SYCP2: variants seen among roughly 807,000 people sequenced by gnomAD.
SYCP2 encodes the protein synaptonemal complex protein 2, also known as synaptonemal complex lateral element protein.
In SYCP2, 55 loss-of-function variants were observed where a neutral mutation model predicts 211.3. The ratio of observed to expected loss-of-function variants is 0.26; its 90% CI spans 0.21 to 0.33. SYCP2 has a LOEUF of 0.33. Among genes scored for constraint, SYCP2 ranks in the 10% least tolerant of loss-of-function variants. The pLI is 1.00. For missense variants in SYCP2, 1,731 were observed against 1,752.0 expected (o/e 0.99, Z 0.21); for synonymous variants, 570 against 555.2 (o/e 1.03, Z -0.37).
rs530987252 is a variant in SYCP2, at chr20:59,893,517, T to C, written c.1735+7A>G. 1.9e-6 allele frequency: 3 copies of C among 1,585,948 alleles called. No individual in the cohort carries two copies. Among genetic ancestry groups the C allele is most frequent in the East Asian group, 4.5e-5 (2 of 44,474 alleles). On this transcript the variant is annotated splice_region_variant and intron_variant, in intron 21 of 44. Transcript: ENST00000357552. ...AAAATGACTAAATTAAACCACAAGG[T>C]ACTTACTAAAATTTTGGTTTGGGAA... is the stretch of plus-strand genomic sequence containing the variant.
At position 59,867,343 on chromosome 20, in the gene SYCP2, T is replaced by C. The variant is rs554103849; in HGVS notation, c.4125+368A>G. ...AAACTAGTAAAACAAAATGAAATGG[T>C]ATTGCTCTGACTGCAGCTGCTCATT... is the stretch of plus-strand genomic sequence containing the variant. On this transcript the variant is annotated intron_variant, in intron 39 of 44. Coordinates refer to ENST00000357552, the MANE Select transcript of SYCP2 (RefSeq NM_014258.4). 5.9e-5 allele frequency among the ~76,000 whole-genome samples: 9 copies of C among 151,388 alleles called. No homozygotes were observed. In the South Asian group the frequency reaches 1.5e-3, roughly 24 times the overall value.
At chr20:59,883,906 G>A (rs938757662) in intron 26 of SYCP2, among the ~76,000 whole-genome samples, 12 of 151,752 alleles carry the variant, frequency 7.9e-5, no homozygotes, top group Admixed American at 3.9e-4. Flanking sequence ...GATTTTATGC[G>A]TTCTTGCCAC....
In SYCP2 at chr20:59,919,599, T is replaced by A; in HGVS notation, c.298-2A>T. The A allele has an allele frequency of 1.3e-6, 2 of 1,578,978 alleles. No individual in the cohort carries two copies. Among genetic ancestry groups the A allele is most frequent in the Admixed American group, 1.7e-5 (1 of 57,482 alleles). On this transcript the variant is annotated splice_acceptor_variant, in intron 5 of 44. Coordinates refer to ENST00000357552, the MANE Select transcript of SYCP2 (RefSeq NM_014258.4). LOFTEE classifies it high-confidence loss of function. ...GGATTTTTCAAACCAGGCAACCATG[T>A]AAAAAAAGGAATGAACTTATTAGAG...
chr20:59,924,588 C>T (rs567334352), intron 2 of SYCP2, among the ~76,000 whole-genome samples: 17 of 151,846 alleles, frequency 1.1e-4, no homozygotes, highest in Admixed American at 4.6e-4. Context: ...CCATTGACAC[C>T]TACTATGTAC....
rs148499040 is a variant in SYCP2, at chr20:59,908,525, T to G, written c.973-1101A>C. Among the ~76,000 whole-genome samples, 13 of 152,276 alleles carry G rather than the reference T, an allele frequency of 8.5e-5. No homozygotes were observed. In the East Asian group the frequency reaches 2.5e-3, roughly 29 times the overall value. On this transcript the variant is annotated intron_variant, in intron 14 of 44. Transcript: ENST00000357552. ...TTTCTGTGTGTAAAAAACTTGCTCC[T>G]TTGAGGAATATCTCAGTTGGCATAC... is the stretch of plus-strand genomic sequence containing the variant.
rs759373209 is a variant in SYCP2, at chr20:59,873,950, C to G, written c.3461G>C (p.Gly1154Ala). ...GGGTGACTTTATTGTACCTCCAACT[C>G]CACTGTTACTATTTAAGGATTCAAG... ...SSLESLNSNS[G>A]VGGTIKSPKN... The change falls in exon 35 of 45, where the codon GGA (glycine) becomes GCA (alanine). Residue 1154 changes from glycine to alanine, a missense_variant. Gly to Ala is a moderately conservative substitution (Grantham distance 60, BLOSUM62 0). Coordinates refer to ENST00000357552, the MANE Select transcript of SYCP2 (RefSeq NM_014258.4). The G allele has an allele frequency of 6.2e-7, 1 of 1,613,236 alleles. No homozygotes were observed. The highest frequency in any genetic ancestry group is 8.5e-7 in the Non-Finnish European group (1 of 1,179,548).
chr20:59,877,304 T>C, intron 33 of SYCP2, 81 bp downstream of exon 33: 1 of 990,056 alleles, frequency 1.0e-6, no homozygotes, highest in Non-Finnish European at 1.4e-6. Context: ...AGTAACAGGA[T>C]AAATTTGACA....
intron 7 of SYCP2, among the ~76,000 whole-genome samples, chr20:59,916,892 C>G (rs1210474108): frequency 6.6e-6 from 1 of 152,050 alleles, no homozygotes; most frequent in East Asian, 1.9e-4. Flanking sequence ...GTACTCCAGC[C>G]TGGGTGAGAG....
At chr20:59,909,863 G>T (rs2060283105) in intron 14 of SYCP2, among the ~76,000 whole-genome samples, 1 of 152,152 alleles carries the variant, frequency 6.6e-6, no homozygotes, top group Admixed American at 6.5e-5. Context: ...GGAATAATGT[G>T]GTTGTGAGGC....
chr20:59,904,372 T>C (rs1333117367), intron 15 of SYCP2, among the ~76,000 whole-genome samples: 1 of 152,078 alleles, frequency 6.6e-6, no homozygotes, highest in East Asian at 1.9e-4. Flanking sequence ...CCACAGTCTC[T>C]CAGGTTCAGA....
rs1352231156 is a variant in SYCP2, at chr20:59,880,989, A to G, written c.2749T>C (p.Ser917Pro). ...ACTTTTTTATCTTTTGTTTTGACAG[A>G]AGATTTAAGTTCATCATGATTCCTT... ...GPRNHDELKSSVKTKDKKIIT... is the reference protein window; with the variant it reads ...GPRNHDELKSPVKTKDKKIIT... Residue 917 changes from serine to proline, a missense_variant, in exon 30 of 45, where the codon TCT becomes CCT. This residue lies in a region of SYCP2 where 1,387 missense variants were observed against 1,351.3 expected (regional missense o/e 1.03). Coordinates refer to ENST00000357552, the MANE Select transcript of SYCP2 (RefSeq NM_014258.4). 2.0e-6 allele frequency: 3 copies of G among 1,491,036 alleles called. No individual in the cohort carries two copies. In the South Asian group the frequency reaches 3.7e-5, roughly 18 times the overall value. 92.4% of individuals were successfully genotyped at this position (1,491,036 alleles called of 1,614,324 possible). A position where few individuals can be genotyped will look rare whatever the true frequency, so the allele number is the denominator to read the frequency against.
chr20:59,889,705 T>C (rs1016555479), intron 24 of SYCP2, among the ~76,000 whole-genome samples: 1 of 151,974 alleles, frequency 6.6e-6, no homozygotes, highest in Non-Finnish European at 1.5e-5. Flanking sequence ...GTACCAAAAA[T>C]GAACCTTCTC....
intron 2 of SYCP2, among the ~76,000 whole-genome samples, chr20:59,923,590 C>T (rs1426398119): frequency 6.6e-6 from 1 of 151,584 alleles, no homozygotes; most frequent in African/African-American, 2.4e-5. Flanking sequence ...GTAATCCCAG[C>T]TACTCTGGAG....
chr20:59,866,075 A>C (rs182990777), intron 41 of SYCP2, among the ~76,000 whole-genome samples: 3 of 151,902 alleles, frequency 2.0e-5, no homozygotes, highest in African/African-American at 7.2e-5. Flanking sequence ...TGAAAGTAAA[A>C]TCTCTCAGGA....
rs138390024 is a variant in SYCP2 at position 59,885,933 on chromosome 20, T to G, written c.2524A>C (p.Ser842Arg). Residue 842 changes from serine (S) to arginine (R), a missense_variant, in exon 26 of 45, where the codon AGT becomes CGT. By Grantham distance (110) the Ser-to-Arg change is moderately radical. This residue lies in a region of SYCP2 where 1,387 missense variants were observed against 1,351.3 expected (regional missense o/e 1.03). Coordinates refer to ENST00000357552, the MANE Select transcript of SYCP2 (RefSeq NM_014258.4). ...GTTAAGTAAATAACACCTACCTTACTGAGTTGTACAACAGGTTTGTTTGAA... is the reference window on the plus strand; with the variant it reads ...GTTAAGTAAATAACACCTACCTTACGGAGTTGTACAACAGGTTTGTTTGAA... The part of the protein sequence containing the change: ...GFSNKPVVQL[S>R]KEKVQKKSYR... 1.3e-6 allele frequency: 2 copies of G among 1,599,676 alleles called. No homozygotes were observed. The highest frequency in any genetic ancestry group is 1.7e-6 in the Non-Finnish European group (2 of 1,174,530).
At chr20:59,877,893 G>C in intron 32 of SYCP2, 115 bp downstream of exon 32, 1 of 782,442 alleles carries the variant, frequency 1.3e-6, no homozygotes, top group Non-Finnish European at 2.1e-6. Flanking sequence ...GAAGGAAGAG[G>C]TACATAAAAC....
chr20:59,882,282 A>G, intron 26 of SYCP2, 117 bp from the exon 27 acceptor site: 1 of 768,466 alleles, frequency 1.3e-6, no homozygotes. Context: ...CCTCAGTTAA[A>G]ATGGCTTGTA....
At chr20:59,880,170 A>G in intron 31 of SYCP2, 133 bp downstream of exon 31, 1 of 658,258 alleles carries the variant, frequency 1.5e-6, no homozygotes. Context: ...CATAAAAACT[A>G]GTGTTTTGTC....
At chr20:59,900,656 T>C in intron 17 of SYCP2, 88 bp downstream of exon 17, 1 of 963,262 alleles carries the variant, frequency 1.0e-6, no homozygotes, top group Non-Finnish European at 1.6e-6. Context: ...TTCTATATAT[T>C]CACCCTCCAA....
Sources: allele counts gnomAD v4.1 joint callset (sites outside exome capture counted in the v4.1 genomes callset), GRCh38; gene constraint gnomAD v4.1.1; regional missense constraint gnomAD v4.1.1; transcripts MANE v1.5; gene names NCBI Gene and HGNC (gene_info 2026-07-23, HGNC 2026-07-21).